Variants in GTF3C1 observed in about 807,000 individuals in gnomAD.
GTF3C1 encodes the protein general transcription factor 3C polypeptide 1.
GTF3C1 carries 57 observed loss-of-function variants against 226.7 expected under a neutral mutation model. The ratio of observed to expected loss-of-function variants is 0.25; its 90% CI spans 0.20 to 0.31. The LOEUF is 0.31. GTF3C1 is among the 10% of genes least tolerant of loss of function. GTF3C1 has a pLI of 1.00. For synonymous variants in GTF3C1, 1,090 were observed against 1,084.8 expected, an observed-to-expected ratio of 1.00 and a Z score of -0.09; for missense variants, 2,217 against 2,776.1, an observed-to-expected ratio of 0.80 and a Z score of 4.53.
chr16:27,487,170 T>G (rs2088153237), intron 23 of GTF3C1, among the ~76,000 whole-genome samples: 2 of 152,236 alleles, frequency 1.3e-5, no homozygotes, highest in Non-Finnish European at 2.9e-5. Context: ...TGTGATGAAT[T>G]CAGGTTTTTA....
At chr16:27,489,208 C>T (rs1363883617) in intron 20 of GTF3C1, 30 bp from the exon 21 acceptor site, 1 of 1,611,342 alleles carries the variant, frequency 6.2e-7, no homozygotes, top group Non-Finnish European at 8.5e-7. Context: ...CAGAAAAGAG[C>T]CCTTCTTGGT....
chr16:27,545,662 A>G, intron 1 of GTF3C1, 139 bp from the exon 2 acceptor site: 1 of 635,428 alleles, frequency 1.6e-6, no homozygotes, highest in Non-Finnish European at 2.8e-6. Context: ...AAATGCAGAT[A>G]ATCTTGACAA....
At chr16:27,538,999 C>T (rs949531928) in intron 2 of GTF3C1, among the ~76,000 whole-genome samples, 2 of 142,950 alleles carry the variant, frequency 1.4e-5, no homozygotes, top group Non-Finnish European at 3.0e-5. Flanking sequence ...CACACACACA[C>T]TCATCTTTTT....
intron 2 of GTF3C1, among the ~76,000 whole-genome samples, chr16:27,539,644 T>C (rs1256744615): frequency 6.6e-6 from 1 of 152,248 alleles, no homozygotes; most frequent in Non-Finnish European, 1.5e-5. Context: ...AGTTTGAATG[T>C]GTCCCCTGAA....
At chr16:27,472,176 C>T (rs1050387636) in intron 29 of GTF3C1, among the ~76,000 whole-genome samples, 1 of 152,128 alleles carries the variant, frequency 6.6e-6, no homozygotes, top group African/African-American at 2.4e-5. Flanking sequence ...GGACAGGGAA[C>T]TGACGAGACA....
Position 27,481,091 on chromosome 16 carries a change from T to C in GTF3C1, c.4184A>G (p.Glu1395Gly), listed in dbSNP as rs1164305946. 3 of 1,613,996 alleles carry C rather than the reference T, an allele frequency of 1.9e-6. No individual in the cohort carries two copies. The highest frequency in any genetic ancestry group is 2.5e-6 in the Non-Finnish European group (3 of 1,179,852). Reference protein sequence around the residue: ...SNLEIPDTLQELFARYRVLAI... With the variant: ...SNLEIPDTLQGLFARYRVLAI... ...AGAAACGGCTTACCTGGCGAACAGC[T>C]CCTGGAGTGTGTCTGGGATTTCAAG... is the stretch of plus-strand genomic sequence containing the variant. The change falls in exon 27 of 37, where the codon GAG (glutamate) becomes GGG (glycine). Residue 1395 changes from glutamate (E) to glycine (G), a missense_variant. Transcript: ENST00000356183.
intron 7 of GTF3C1, among the ~76,000 whole-genome samples, chr16:27,511,030 G>A (rs951631008): frequency 2.6e-5 from 4 of 152,184 alleles, no homozygotes; most frequent in Non-Finnish European, 4.4e-5. Context: ...CTTTCACCAC[G>A]TGATGGTTAA....
At chr16:27,541,260 G>A (rs939448051) in intron 2 of GTF3C1, among the ~76,000 whole-genome samples, 3 of 152,216 alleles carry the variant, frequency 2.0e-5, no homozygotes, top group African/African-American at 4.8e-5. Flanking sequence ...GGTAAGAGGT[G>A]CAGCACGGCT....
At chr16:27,515,876 G>T (rs1298362349) in intron 6 of GTF3C1, among the ~76,000 whole-genome samples, 2 of 152,220 alleles carry the variant, frequency 1.3e-5, no homozygotes, top group Non-Finnish European at 2.9e-5. Flanking sequence ...GCCAAGGGCG[G>T]TACATGAATT....
chr16:27,535,465 C>T (rs771185627), intron 4 of GTF3C1, among the ~76,000 whole-genome samples: 6 of 151,634 alleles, frequency 4.0e-5, no homozygotes, highest in Non-Finnish European at 7.4e-5. Context: ...GTACCAGCTA[C>T]TTGGGAGGCT....
rs2087739759 is a variant in GTF3C1 at position 27,463,783 on chromosome 16, G to A, written c.5873-191C>T. ...AGGTGGCAGGGCCGGGCAGACTGCC[G>A]CACACAGCGCCACATGCAAGCAGCG... is the stretch of plus-strand genomic sequence containing the variant. On this transcript the variant is annotated intron_variant, in intron 34 of 36. Coordinates refer to ENST00000356183, the MANE Select transcript of GTF3C1 (RefSeq NM_001520.4). The surrounding 1 kb of genome is among the most constrained non-coding windows in gnomAD (Gnocchi z 4.9). 22 of 618,518 alleles carry A rather than the reference G, an allele frequency of 3.6e-5. 1 individual carries two copies. Among genetic ancestry groups the A allele is most frequent in the Admixed American group, 8.9e-5 (3 of 33,800 alleles). 38.3% of individuals were successfully genotyped at this position (618,518 alleles called of 1,614,324 possible).
At chr16:27,510,213 G>A (rs550265222) in intron 7 of GTF3C1, among the ~76,000 whole-genome samples, 2 of 152,182 alleles carry the variant, frequency 1.3e-5, no homozygotes, top group African/African-American at 2.4e-5. Flanking sequence ...GTGAAACCCC[G>A]TCTCTACTAA....
intron 14 of GTF3C1, among the ~76,000 whole-genome samples, chr16:27,497,422 G>A (rs946817159): frequency 5.3e-5 from 8 of 152,172 alleles, no homozygotes; most frequent in Admixed American, 3.9e-4. Flanking sequence ...AGCCTTGTAG[G>A]GTATGGCAGG....
intron 5 of GTF3C1, among the ~76,000 whole-genome samples, chr16:27,529,874 A>T (rs1467042020): frequency 6.6e-6 from 1 of 152,192 alleles, no homozygotes; most frequent in Non-Finnish European, 1.5e-5. Context: ...GCCATTTATC[A>T]CCATTTTTGT....
intron 23 of GTF3C1, 73 bp from the exon 24 acceptor site, chr16:27,486,227 G>T: frequency 1.2e-6 from 1 of 813,734 alleles, no homozygotes; most frequent in Non-Finnish European, 2.0e-6. Flanking sequence ...CAGAGGGGCA[G>T]GTTCCCTACC....
chr16:27,463,430 G>C lies in GTF3C1; in HGVS notation c.5924+111C>G. 2.8e-6 allele frequency: 2 copies of C among 724,066 alleles called. No individual in the cohort carries two copies. Among genetic ancestry groups the C allele is most frequent in the Admixed American group, 4.4e-5 (2 of 45,246 alleles). The allele number at this position is 724,066 out of a possible 1,614,324, so 44.9% of individuals were successfully genotyped here. A position where few individuals can be genotyped will look rare whatever the true frequency, so the allele number is the denominator to read the frequency against. On this transcript the variant is annotated intron_variant, in intron 35 of 36. Transcript: ENST00000356183. The surrounding 1 kb of genome is among the most constrained non-coding windows in gnomAD (Gnocchi z 4.9). ...CAAGAACCAAGGTGCCGGGCAGGCTGTCAGAGCTGGTACCTGGGGAAAGAC... is the reference window on the plus strand; with the variant it reads ...CAAGAACCAAGGTGCCGGGCAGGCTCTCAGAGCTGGTACCTGGGGAAAGAC...
At chr16:27,538,461 G>A in intron 2 of GTF3C1, 105 bp from the exon 3 acceptor site, 1 of 706,392 alleles carries the variant, frequency 1.4e-6, no homozygotes, top group South Asian at 2.2e-5. Flanking sequence ...GCTTCTGCTA[G>A]GAGTTTACAA....
rs1179450031 is a variant in GTF3C1 at position 27,461,183 on chromosome 16, C to G, written c.*167G>C. 1.0e-5 allele frequency: 6 copies of G among 584,486 alleles called. No individual in the cohort carries two copies. The highest frequency in any genetic ancestry group is 1.9e-5 in the African/African-American group (1 of 53,714). 36.2% of individuals were successfully genotyped at this position (584,486 alleles called of 1,614,324 possible). A position where few individuals can be genotyped will look rare whatever the true frequency, so the allele number is the denominator to read the frequency against. On this transcript the variant is annotated 3_prime_UTR_variant, in exon 37 of 37. Transcript: ENST00000356183. This position sits in a 1 kb window ranked among gnomAD's most constrained non-coding sequence, Gnocchi z 5.3. ...TCGGGGAGCCCCTCTTTCCAGAGTT[C>G]CAGTACAGTGGGAAACGTGTCAGTC...
rs1033617522 is a variant in GTF3C1 at position 27,545,315 on chromosome 16, T to C, written c.430A>G (p.Arg144Gly). The change falls in exon 2 of 37, where the codon AGG (arginine) becomes GGG (glycine). Residue 144 changes from arginine to glycine, a missense_variant and splice_region_variant. Around this residue, in one of 12 missense-constraint regions of GTF3C1, gnomAD observed 192 missense variants for 251.8 expected, o/e 0.76. Coordinates refer to ENST00000356183, the MANE Select transcript of GTF3C1 (RefSeq NM_001520.4). ...TTTCTGATGGTGCAAAATAGTTACC[T>C]GTCAAAGGCTTCCACCATTGTACAG... ...PRCTMVEAFD[R>G]WGKKLIIVAS... 2 of 1,606,792 alleles carry C rather than the reference T, an allele frequency of 1.2e-6. No homozygotes were observed. The highest frequency in any genetic ancestry group is 2.2e-5 in the South Asian group (2 of 90,946).
Sources: gnomAD v4.1 joint callset for allele counts (sites outside exome capture counted in the v4.1 genomes callset) on GRCh38, gnomAD v4.1.1 for gene constraint, gnomAD v4.1.1 regional missense constraint, Gnocchi (gnomAD v3.1) non-coding constraint, MANE v1.5 for transcripts, NCBI Gene and HGNC (gene_info 2026-07-23, HGNC 2026-07-21) for gene names.